MAP2K6: variants seen among roughly 807,000 people sequenced by gnomAD.
The protein encoded by MAP2K6 is mitogen-activated protein kinase kinase 6.
Under a neutral mutation model 53.7 loss-of-function variants are expected in MAP2K6, and 16 were observed. That is an observed-to-expected ratio of 0.30 (90% confidence interval 0.20 to 0.45). MAP2K6 has a LOEUF of 0.45. Among genes scored for constraint, MAP2K6 ranks in the 20% least tolerant of loss-of-function variants. MAP2K6 has a pLI of 1.00. For synonymous variants in MAP2K6, 132 were observed against 143.1 expected (o/e 0.92, Z 0.55); for missense variants, 204 against 411.9 (o/e 0.50, Z 4.37).
chr17:69,509,398 A>G (rs1909694651), intron 2 of MAP2K6, among the ~76,000 whole-genome samples: 1 of 152,110 alleles, frequency 6.6e-6, no homozygotes. Flanking sequence ...TCACTTGTTC[A>G]TTGTCAGTAT....
chr17:69,530,164 A>G (rs1219886065), intron 10 of MAP2K6, among the ~76,000 whole-genome samples: 6 of 152,186 alleles, frequency 3.9e-5, no homozygotes, highest in Non-Finnish European at 7.4e-5. Flanking sequence ...AAAATACACA[A>G]ATTAGCTGGG....
chr17:69,546,744 CATCT>C lies in MAP2K6; in HGVS notation c.*4998_*5001del, dbSNP rs1199471601. ...CAATTGTGCTGGGATTTTGCCTTAA[CATCT>C]ATCTATGACTTGAAGAGGGATTTGT... On this transcript the variant is annotated 3_prime_UTR_variant, in exon 12 of 12. Transcript: ENST00000590474. The C allele has an allele frequency of 1.3e-5, 2 of 152,108 alleles. No homozygotes were observed. Among genetic ancestry groups the C allele is most frequent in the East Asian group, 1.9e-4 (1 of 5,194 alleles). 9.4% of individuals were successfully genotyped at this position (152,108 alleles called of 1,614,324 possible). A position where few individuals can be genotyped will look rare whatever the true frequency, so the allele number is the denominator to read the frequency against.
intron 1 of MAP2K6, among the ~76,000 whole-genome samples, chr17:69,492,099 T>A (rs540159329): frequency 6.6e-6 from 1 of 152,348 alleles, no homozygotes; most frequent in Admixed American, 6.5e-5. Flanking sequence ...TTTCCCGTTC[T>A]GTAGGTTGTC....
intron 1 of MAP2K6, among the ~76,000 whole-genome samples, chr17:69,463,716 A>G (rs1907707002): frequency 1.3e-5 from 2 of 152,042 alleles, no homozygotes; most frequent in Non-Finnish European, 2.9e-5. Flanking sequence ...ACATATATGT[A>G]TATTAGTGAA....
At chr17:69,487,533 A>G (rs560457964) in intron 1 of MAP2K6, among the ~76,000 whole-genome samples, 15 of 152,242 alleles carry the variant, frequency 9.9e-5, no homozygotes, top group Non-Finnish European at 1.9e-4. Context: ...TATCCCAGAC[A>G]TATTTATTGA....
chr17:69,468,598 GC>G (rs1312884398), intron 1 of MAP2K6, among the ~76,000 whole-genome samples: 1 of 152,176 alleles, frequency 6.6e-6, no homozygotes, highest in Non-Finnish European at 1.5e-5. Flanking sequence ...ATGAACAAGG[GC>G]TGTCCTTGAT....
chr17:69,534,283 A>G (rs1215797250), intron 10 of MAP2K6, among the ~76,000 whole-genome samples: 1 of 152,214 alleles, frequency 6.6e-6, no homozygotes, highest in Admixed American at 6.5e-5. Flanking sequence ...CATTTCACTC[A>G]GCACACATTC....
chr17:69,520,991 A>G, intron 6 of MAP2K6, 58 bp from the exon 7 acceptor site: 1 of 1,374,288 alleles, frequency 7.3e-7, no homozygotes, highest in Non-Finnish European at 1.0e-6. Flanking sequence ...GATATACTTA[A>G]CATTCAATTT....
chr17:69,446,661 C>A (rs567490056), intron 1 of MAP2K6, among the ~76,000 whole-genome samples: 1 of 152,222 alleles, frequency 6.6e-6, no homozygotes, highest in African/African-American at 2.4e-5. Flanking sequence ...AGTCGGGATG[C>A]CAACTTCGAT....
At chr17:69,531,288 T>C (rs1435147389) in intron 10 of MAP2K6, among the ~76,000 whole-genome samples, 4 of 152,222 alleles carry the variant, frequency 2.6e-5, no homozygotes, top group African/African-American at 9.6e-5. Context: ...CCTAGGTAAC[T>C]GTCAGAGTAT....
intron 10 of MAP2K6, among the ~76,000 whole-genome samples, chr17:69,532,263 C>T (rs768949801): frequency 2.6e-5 from 4 of 152,176 alleles, no homozygotes; most frequent in Admixed American, 6.5e-5. Context: ...TGCCTTGAAA[C>T]GCGCAATGTG....
At position 69,466,586 on chromosome 17, in the gene MAP2K6, A is replaced by G. The variant is rs16966890; in HGVS notation, c.17-39194A>G. Among the ~76,000 whole-genome samples, 715 of 152,340 alleles carry G rather than the reference A, an allele frequency of 4.7e-3. 9 individuals are homozygous for G. The highest frequency in any genetic ancestry group is 0.017 in the African/African-American group (686 of 41,572). ...CCCCTCCAGTGGTTTGAAACCGGGC[A>G]AGACTTTGCATTCCAAAGCAAAAGT... On this transcript the variant is annotated intron_variant, in intron 1 of 11. Coordinates refer to ENST00000590474, the MANE Select transcript of MAP2K6 (RefSeq NM_002758.4).
In MAP2K6 at chr17:69,490,266, G is replaced by A. The variant is rs890020624; in HGVS notation, c.17-15514G>A. Reference sequence around the variant, plus strand: ...CCTTCCTTGCTCCACTGAAGAGCAGGAGGGGACTCCTCTGCTAATATCCAT... The same window carrying A: ...CCTTCCTTGCTCCACTGAAGAGCAGAAGGGGACTCCTCTGCTAATATCCAT... On this transcript the variant is annotated intron_variant, in intron 1 of 11. Transcript: ENST00000590474. Among the ~76,000 whole-genome samples the A allele has an allele frequency of 4.6e-5, 7 of 152,214 alleles. No individual in the cohort carries two copies. The South Asian group carries it at 1.5e-3, about 32-fold the overall frequency.
intron 1 of MAP2K6, among the ~76,000 whole-genome samples, chr17:69,493,147 G>T (rs1567838319): frequency 6.6e-6 from 1 of 152,052 alleles, no homozygotes; most frequent in Non-Finnish European, 1.5e-5. Context: ...CAATTCATTT[G>T]GAAACAAGTA....
chr17:69,513,538 G>A (rs561933720), intron 2 of MAP2K6, among the ~76,000 whole-genome samples: 16 of 152,268 alleles, frequency 1.1e-4, no homozygotes, highest in African/African-American at 3.6e-4. Context: ...TGCAAAGTTA[G>A]TATAGGGCCA....
intron 10 of MAP2K6, among the ~76,000 whole-genome samples, chr17:69,530,266 A>AATTG (rs954252311): frequency 1.3e-5 from 2 of 152,070 alleles, no homozygotes; most frequent in Non-Finnish European, 2.9e-5. Flanking sequence ...AGTGAGCCAT[A>AATTG]ATTGTCCCAC....
At chr17:69,436,513 C>T (rs187320085) in intron 1 of MAP2K6, among the ~76,000 whole-genome samples, 3 of 152,236 alleles carry the variant, frequency 2.0e-5, no homozygotes, top group South Asian at 2.1e-4. Flanking sequence ...GTGCCTGGCA[C>T]GTAGTAGGTG....
intron 1 of MAP2K6, among the ~76,000 whole-genome samples, chr17:69,504,858 A>G (rs759667463): frequency 6.6e-6 from 1 of 152,184 alleles, no homozygotes; most frequent in Non-Finnish European, 1.5e-5. Flanking sequence ...CTCATCTGTT[A>G]TCTTAATCCT....
rs545589923 is a variant in MAP2K6, at chr17:69,546,891, A to G, written c.*5138A>G. 25 of 152,038 alleles carry G rather than the reference A, an allele frequency of 1.6e-4. No individual in the cohort carries two copies. Among genetic ancestry groups the G allele is most frequent in the African/African-American group, 5.8e-4 (24 of 41,472 alleles). The allele number at this position is 152,038 out of a possible 1,614,324, so 9.4% of individuals were successfully genotyped here. ...TTTCAAATGGAAGGTGCAGTTTTCAATTAGGCCTCTGAAAATTTACATAGT... is the reference window on the plus strand; with the variant it reads ...TTTCAAATGGAAGGTGCAGTTTTCAGTTAGGCCTCTGAAAATTTACATAGT... On this transcript the variant is annotated 3_prime_UTR_variant, in exon 12 of 12. Coordinates refer to ENST00000590474, the MANE Select transcript of MAP2K6 (RefSeq NM_002758.4).
Sources: gnomAD v4.1 joint callset for allele counts (sites outside exome capture counted in the v4.1 genomes callset) on GRCh38, gnomAD v4.1.1 for gene constraint, MANE v1.5 for transcripts, NCBI Gene and HGNC (gene_info 2026-07-23, HGNC 2026-07-21) for gene names.